Variants in PDE8B observed in about 807,000 individuals in gnomAD.
PDE8B encodes phosphodiesterase 8B, also known as high affinity cAMP-specific and IBMX-insensitive 3',5'-cyclic phosphodiesterase 8B.
In PDE8B, 26 loss-of-function variants were observed where a neutral mutation model predicts 101.3. That is an observed-to-expected ratio of 0.26 (90% CI 0.19 to 0.36). The LOEUF (loss-of-function observed/expected upper bound fraction) is 0.36, where lower values mean the gene tolerates loss of function less well. Among genes scored for constraint, PDE8B ranks in the 10% least tolerant of loss-of-function variants. The pLI is 1.00. For synonymous variants in PDE8B, 424 were observed against 429.3 expected (o/e 0.99, Z 0.15); for missense variants, 810 against 1,163.1 (o/e 0.70, Z 4.42).
chr5:77,402,709 CACTT>C (rs1417078547), intron 11 of PDE8B, among the ~76,000 whole-genome samples: 1 of 152,202 alleles, frequency 6.6e-6, no homozygotes, highest in Non-Finnish European at 1.5e-5. Flanking sequence ...TATATTAACT[CACTT>C]ATTTCTCAAA....
the PDE8B span, among the ~76,000 whole-genome samples, chr5:77,125,254 G>A: frequency 6.6e-6 from 1 of 152,022 alleles, no homozygotes; most frequent in Admixed American, 6.5e-5. Context: ...CCCCCGCCTT[G>A]GCCTCCCAAA....
At chr5:77,265,477 G>GT (rs968236898) in intron 1 of PDE8B, among the ~76,000 whole-genome samples, 2 of 151,544 alleles carry the variant, frequency 1.3e-5, no homozygotes, top group East Asian at 3.9e-4. Context: ...TGTTTAAATT[G>GT]TTTTTTTTAA....
At chr5:77,415,350 A>AT (rs1435706673) in intron 17 of PDE8B, among the ~76,000 whole-genome samples, 5 of 135,652 alleles carry the variant, frequency 3.7e-5, no homozygotes, top group Non-Finnish European at 6.3e-5. Context: ...GATAAGCTAA[A>AT]ATTTTTTTTT....
At chr5:77,156,805 G>A in the PDE8B span, among the ~76,000 whole-genome samples, 3 of 152,166 alleles carry the variant, frequency 2.0e-5, no homozygotes, top group Non-Finnish European at 4.4e-5. Flanking sequence ...CAGGAATGGG[G>A]TGGGGAGGTA....
intron 7 of PDE8B, among the ~76,000 whole-genome samples, chr5:77,346,749 C>A (rs1226176863): frequency 5.3e-5 from 8 of 152,120 alleles, no homozygotes; most frequent in African/African-American, 1.4e-4. Context: ...TCTCAGGGAA[C>A]CTTTTCATCC....
intron 20 of PDE8B, among the ~76,000 whole-genome samples, chr5:77,425,185 T>TCAA (rs1797764322): frequency 6.6e-6 from 1 of 152,172 alleles, no homozygotes; most frequent in Admixed American, 6.5e-5. Flanking sequence ...AGCTTTGACT[T>TCAA]TGCAATGATA....
chr5:77,408,598 TGA>T (rs1230006727), intron 13 of PDE8B, among the ~76,000 whole-genome samples: 1 of 150,200 alleles, frequency 6.7e-6, no homozygotes, highest in African/African-American at 2.5e-5. Context: ...AGCGAGAGAG[TGA>T]GAGAGGGGCC....
At chr5:77,194,233 A>G in the PDE8B span, among the ~76,000 whole-genome samples, 3 of 152,186 alleles carry the variant, frequency 2.0e-5, no homozygotes, top group African/African-American at 7.2e-5. Context: ...TCTTTTAAGT[A>G]TGAGGCTTAC....
chr5:77,283,658 G>C (rs922642340), intron 1 of PDE8B, among the ~76,000 whole-genome samples: 5 of 152,120 alleles, frequency 3.3e-5, no homozygotes, highest in African/African-American at 4.8e-5. Flanking sequence ...TCTTTTCATG[G>C]GTTGACAAAC....
chr5:77,268,531 A>T (rs1762185309), intron 1 of PDE8B, among the ~76,000 whole-genome samples: 1 of 149,200 alleles, frequency 6.7e-6, no homozygotes, highest in Non-Finnish European at 1.5e-5. Flanking sequence ...CAAGCTTCTG[A>T]TAACCATCAT....
the PDE8B span, among the ~76,000 whole-genome samples, chr5:77,128,389 G>A: frequency 6.6e-6 from 1 of 152,224 alleles, no homozygotes; most frequent in East Asian, 1.9e-4. Context: ...GGCTGATGGG[G>A]ACATGGGGAT....
rs146264840 is a variant in PDE8B, at chr5:77,256,784, A to G, written c.339+45520A>G. On this transcript the variant is annotated intron_variant, in intron 1 of 21. Transcript: ENST00000264917. The stretch of plus-strand genomic sequence containing the variant: ...ACTTGTAAGGCATGAAGAGCCAACT[A>G]TTACATTTTAGGAAAAAATCTCAAA... Among the ~76,000 whole-genome samples the G allele has an allele frequency of 1.6e-4, 25 of 152,338 alleles. 1 individual carries two copies. Among genetic ancestry groups the G allele is most frequent in the African/African-American group, 5.1e-4 (21 of 41,580 alleles).
At chr5:77,207,562 C>A (rs1406553623), upstream of PDE8B, among the ~76,000 whole-genome samples, 1 of 151,916 alleles carries the variant, frequency 6.6e-6, no homozygotes, top group Non-Finnish European at 1.5e-5. Context: ...GTCTTTCTGG[C>A]CTTATTCTGT....
chr5:77,367,462 G>A (rs1784350365), intron 10 of PDE8B, among the ~76,000 whole-genome samples: 2 of 151,840 alleles, frequency 1.3e-5, no homozygotes, highest in South Asian at 4.1e-4. Context: ...AGTCTTCCTG[G>A]TGATGACCTT....
At chr5:77,306,954 T>G (rs1440204612) in intron 1 of PDE8B, among the ~76,000 whole-genome samples, 1 of 152,224 alleles carries the variant, frequency 6.6e-6, no homozygotes, top group Non-Finnish European at 1.5e-5. Flanking sequence ...TTGTTTAGTT[T>G]TTGCTAAATC....
Position 77,211,325 on chromosome 5 carries a change from C to T in PDE8B, c.339+61C>T, listed in dbSNP as rs905142886. On this transcript the variant is annotated intron_variant, in intron 1 of 21. Coordinates refer to ENST00000264917, the MANE Select transcript of PDE8B (RefSeq NM_003719.5). The surrounding 1 kb of genome is among the most constrained non-coding windows in gnomAD (Gnocchi z 4.1). ...GTCCGCCCCGTCGGCGGGGCTCGCA[C>T]GGGTAGGGGGCTCCGGCGGAGTTGG... The T allele has an allele frequency of 7.5e-6, 11 of 1,473,710 alleles. No homozygotes were observed. The highest frequency in any genetic ancestry group is 6.3e-5 in the Admixed American group (3 of 47,486). The allele number at this position is 1,473,710 out of a possible 1,614,324, so 91.3% of individuals were successfully genotyped here.
chr5:77,366,175 G>C, intron 10 of PDE8B, among the ~76,000 whole-genome samples: 1 of 152,034 alleles, frequency 6.6e-6, no homozygotes, highest in South Asian at 2.1e-4. Context: ...ACAGTTTCCT[G>C]CTTTAATTGA....
At chr5:77,301,677 C>T (rs1321806690) in intron 1 of PDE8B, among the ~76,000 whole-genome samples, 1 of 152,328 alleles carries the variant, frequency 6.6e-6, no homozygotes, top group East Asian at 1.9e-4. Flanking sequence ...AGGGATGTCA[C>T]GTTTTGACCA....
At chr5:77,227,352 G>A (rs373036672) in intron 1 of PDE8B, among the ~76,000 whole-genome samples, 1 of 152,066 alleles carries the variant, frequency 6.6e-6, no homozygotes, top group Admixed American at 6.5e-5. Context: ...TGCTCAAGGA[G>A]TTTTCTTGGC....
Sources: gnomAD v4.1 joint callset for allele counts (sites outside exome capture counted in the v4.1 genomes callset) on GRCh38, gnomAD v4.1.1 for gene constraint, Gnocchi (gnomAD v3.1) non-coding constraint, MANE v1.5 for transcripts, NCBI Gene and HGNC (gene_info 2026-07-23, HGNC 2026-07-21) for gene names.